MYO7B: variants seen among roughly 807,000 people sequenced by gnomAD.
MYO7B encodes unconventional myosin-VIIb.
Under a neutral mutation model 259.7 loss-of-function variants are expected in MYO7B, and 212 were observed. The ratio of observed to expected loss-of-function variants is 0.82; its 90% CI spans 0.73 to 0.91. The LOEUF (loss-of-function observed/expected upper bound fraction) is 0.91, where lower values mean the gene tolerates loss of function less well. MYO7B is among the 40% of genes least tolerant of loss of function. The pLI is 0.00. For synonymous variants in MYO7B, 1,197 were observed against 1,166.4 expected, an observed-to-expected ratio of 1.03 and a Z score of -0.54; for missense variants, 2,732 against 2,813.5, an observed-to-expected ratio of 0.97 and a Z score of 0.66.
At position 127,539,474 on chromosome 2, in the gene MYO7B, G is replaced by A. The variant is rs1692919424; in HGVS notation, c.-24+3643G>A. Among the ~76,000 whole-genome samples, 1 of 152,156 alleles carries A rather than the reference G, an allele frequency of 6.6e-6. No homozygotes were observed. Among genetic ancestry groups the A allele is most frequent in the Non-Finnish European group, 1.5e-5 (1 of 68,034 alleles). On this transcript the variant is annotated intron_variant, in intron 1 of 47. Coordinates refer to ENST00000409816, the MANE Select transcript of MYO7B (RefSeq NM_001393586.1). The surrounding 1 kb of genome is among the most constrained non-coding windows in gnomAD (Gnocchi z 4.0). Reference sequence around the variant, plus strand: ...GCTTTCCTGTTGCAATGTCATGAAGGGGATAAAAAGGGAGAAAACGACATT... The same window carrying A: ...GCTTTCCTGTTGCAATGTCATGAAGAGGATAAAAAGGGAGAAAACGACATT...
intron 6 of MYO7B, among the ~76,000 whole-genome samples, chr2:127,571,634 C>T (rs1678633728): frequency 6.6e-6 from 1 of 151,744 alleles, no homozygotes; most frequent in African/African-American, 2.4e-5. Flanking sequence ...GCATGCACCA[C>T]CACGCCCAGT....
rs1215892553 is a variant in MYO7B at position 127,609,496 on chromosome 2, A to G, written c.2815-10A>G. 40 of 1,606,458 alleles carry G rather than the reference A, an allele frequency of 2.5e-5. No individual in the cohort carries two copies. Among genetic ancestry groups the G allele is most frequent in the Non-Finnish European group, 3.1e-5 (37 of 1,176,390 alleles). ...CCCTGCTGACCCGTGTTCTCCCTCA[A>G]TGGCCGTAGGATCTGGAATCGAAGA... On this transcript the variant is annotated splice_polypyrimidine_tract_variant and intron_variant, in intron 22 of 47. Transcript: ENST00000409816. This position sits in a 1 kb window ranked among gnomAD's most constrained non-coding sequence, Gnocchi z 6.9.
In MYO7B at chr2:127,627,973, C is replaced by T. The variant is rs1175932084; in HGVS notation, c.4461-399C>T. The T allele has an allele frequency of 1.1e-5, 5 of 467,410 alleles. No individual in the cohort carries two copies. The highest frequency in any genetic ancestry group is 1.7e-5 in the Non-Finnish European group (4 of 234,726). 29.0% of individuals were successfully genotyped at this position (467,410 alleles called of 1,614,324 possible). A position where few individuals can be genotyped will look rare whatever the true frequency, so the allele number is the denominator to read the frequency against. Reference sequence around the variant, plus strand: ...CACTTTCCTGTATGCCACGAAGTACCGACAGCATCACCCATTCTGCAGATG... The same window carrying T: ...CACTTTCCTGTATGCCACGAAGTACTGACAGCATCACCCATTCTGCAGATG... On this transcript the variant is annotated intron_variant, in intron 33 of 47. Coordinates refer to ENST00000409816, the MANE Select transcript of MYO7B (RefSeq NM_001393586.1). This position sits in a 1 kb window ranked among gnomAD's most constrained non-coding sequence, Gnocchi z 5.6.
At position 127,636,508 on chromosome 2, in the gene MYO7B, C is replaced by T. The variant is rs372379017; in HGVS notation, c.6124-37C>T. On this transcript the variant is annotated intron_variant, in intron 45 of 47. Coordinates refer to ENST00000409816, the MANE Select transcript of MYO7B (RefSeq NM_001393586.1). This position sits in a 1 kb window ranked among gnomAD's most constrained non-coding sequence, Gnocchi z 4.5. ...TCCTGGGAGGTGCAGCCTGGCCTCC[C>T]GGGCTGGACTATGACCGCCGTGTCC... The T allele has an allele frequency of 2.8e-5, 45 of 1,583,704 alleles. No individual in the cohort carries two copies. Among genetic ancestry groups the T allele is most frequent in the Middle Eastern group, 1.7e-4 (1 of 6,048 alleles).
intron 8 of MYO7B, 92 bp from the exon 9 acceptor site, chr2:127,578,041 C>T: frequency 2.0e-6 from 3 of 1,493,116 alleles, no homozygotes; most frequent in Non-Finnish European, 2.7e-6. Flanking sequence ...CACCCATTGC[C>T]TATGAAGTGC....
intron 1 of MYO7B, among the ~76,000 whole-genome samples, chr2:127,554,949 ATT>A (rs113240086): frequency 1.1e-4 from 15 of 135,966 alleles, no homozygotes; most frequent in East Asian, 2.1e-4. Context: ...TTTCTAATTG[ATT>A]TTTTTTTTTT....
chr2:127,622,070 G>A lies in MYO7B; in HGVS notation c.3614G>A (p.Arg1205His), dbSNP rs1166699670. The change falls in exon 28 of 48, where the codon CGT becomes CAT. Residue 1205 changes from arginine (R) to histidine (H), a missense_variant. Coordinates refer to ENST00000409816, the MANE Select transcript of MYO7B (RefSeq NM_001393586.1). ...AGACGCACCTATGCCAATGGGGTGC[G>A]TGCGGAGCCCCCCACCTGGCTGGAG... ...RLRRTYANGV[R>H]AEPPTWLELQ... The A allele has an allele frequency of 9.7e-6, 15 of 1,550,736 alleles. No individual in the cohort carries two copies. Among genetic ancestry groups the A allele is most frequent in the Admixed American group, 3.9e-5 (2 of 50,958 alleles).
intron 27 of MYO7B, among the ~76,000 whole-genome samples, chr2:127,620,992 A>G (rs1680813170): frequency 6.6e-6 from 1 of 152,228 alleles, no homozygotes; most frequent in African/African-American, 2.4e-5. Flanking sequence ...ACTTCCGTTA[A>G]TATTTCCTTC....
chr2:127,543,768 C>T (rs1403034164), intron 1 of MYO7B, among the ~76,000 whole-genome samples: 2 of 149,312 alleles, frequency 1.3e-5, no homozygotes, highest in African/African-American at 2.5e-5. Context: ...TTTTTGAGAC[C>T]GAGTCTCGCT....
chr2:127,606,846 G>C (rs1378452397), intron 20 of MYO7B, among the ~76,000 whole-genome samples: 1 of 152,222 alleles, frequency 6.6e-6, no homozygotes, highest in Non-Finnish European at 1.5e-5. Context: ...GAGCAAGTCA[G>C]CTGAACTTGG....
In MYO7B at chr2:127,590,135, T is replaced by C. The variant is rs61743282; in HGVS notation, c.1898T>C (p.Phe633Ser). 1.4e-3 allele frequency: 2,226 copies of C among 1,607,722 alleles called. 1 individual carries two copies. Among genetic ancestry groups the C allele is most frequent in the Non-Finnish European group, 1.8e-3 (2,071 of 1,177,654 alleles). Residue 633 changes from phenylalanine (F) to serine (S), a missense_variant, in exon 16 of 48, where the codon TTC becomes TCC. Around this residue, in one of 3 missense-constraint regions of MYO7B, gnomAD observed 1,906 missense variants for 2,026.4 expected, o/e 0.94. Transcript: ENST00000409816. This position sits in a 1 kb window ranked among gnomAD's most constrained non-coding sequence, Gnocchi z 4.6. ...NKRPSTLGSQ[F>S]KQSLDQLMKI... is the part of the protein sequence containing the mutation. Reference sequence around the variant, plus strand: ...CGGCCCTCCACCTTAGGAAGCCAGTTCAAACAGTCTCTGGACCAGCTGATG... The same window carrying C: ...CGGCCCTCCACCTTAGGAAGCCAGTCCAAACAGTCTCTGGACCAGCTGATG...
Position 127,584,120 on chromosome 2 carries a change from A to G in MYO7B, c.1344-2A>G. 2 of 1,611,320 alleles carry G rather than the reference A, an allele frequency of 1.2e-6. No homozygotes were observed. The highest frequency in any genetic ancestry group is 8.5e-7 in the Non-Finnish European group (1 of 1,178,654). Reference sequence around the variant, plus strand: ...CCCTGGGCAGTGACCTTGCCTCCACAGCTTCGAGCAGCTCTGCATCAACTT... The same window carrying G: ...CCCTGGGCAGTGACCTTGCCTCCACGGCTTCGAGCAGCTCTGCATCAACTT... On this transcript the variant is annotated splice_acceptor_variant, in intron 12 of 47. Coordinates refer to ENST00000409816, the MANE Select transcript of MYO7B (RefSeq NM_001393586.1). LOFTEE classifies it high-confidence loss of function. This position sits in a 1 kb window ranked among gnomAD's most constrained non-coding sequence, Gnocchi z 5.8.
rs375353272 is a variant in MYO7B, at chr2:127,631,694, G to A, written c.5190G>A (p.Pro1730=). 3.9e-5 allele frequency: 63 copies of A among 1,613,028 alleles called. No individual in the cohort carries two copies. The African/African-American group carries it at 4.3e-4, about 11-fold the overall frequency. The part of the protein sequence containing the change: ...DQIFTLALQH[P]ALQDEVYCQI... ...TCTTCACACTGGCCCTGCAGCACCC[G>A]GCCCTCCAGGACGAGGTCTACTGCC... Residue 1730 remains proline, a synonymous_variant, in exon 38 of 48, where the codon CCG becomes CCA. Transcript: ENST00000409816.
intron 19 of MYO7B, among the ~76,000 whole-genome samples, chr2:127,599,453 G>A (rs118037038): frequency 6.6e-6 from 1 of 152,190 alleles, no homozygotes; most frequent in South Asian, 2.1e-4. Context: ...GATGTAGATC[G>A]TCCTGTCCTC....
chr2:127,564,079 A>C, intron 2 of MYO7B, 74 bp from the exon 3 acceptor site: 1 of 1,116,288 alleles, frequency 9.0e-7, no homozygotes, highest in Middle Eastern at 2.0e-4. Context: ...CATAGCCCCG[A>C]AGAGAAGTAA....
In MYO7B at chr2:127,576,693, C is replaced by CATGGT; in HGVS notation, c.834_835insATGGT (p.His279MetfsTer5). The CATGGT allele has an allele frequency of 6.2e-7, 1 of 1,605,034 alleles. No homozygotes were observed. The highest frequency in any genetic ancestry group is 1.1e-5 in the South Asian group (1 of 90,624). On this transcript the variant is annotated frameshift_variant, in exon 8 of 48. Transcript: ENST00000409816. LOFTEE classifies it high-confidence loss of function. The surrounding 1 kb of genome is among the most constrained non-coding windows in gnomAD (Gnocchi z 4.9). ...TGAGCCTGGGCACGCCCTCCGAGTA[C>CATGGT]CACTACCTGACCATGGTGAGCTGCC...
At position 127,626,969 on chromosome 2, in the gene MYO7B, C is replaced by G. The variant is rs1452414804; in HGVS notation, c.4216-6C>G. The G allele has an allele frequency of 6.2e-7, 1 of 1,607,862 alleles. No homozygotes were observed. Among genetic ancestry groups the G allele is most frequent in the Non-Finnish European group, 8.5e-7 (1 of 1,177,256 alleles). ...GACGGAGGTGACATCCAGGATCCCC[C>G]CTCAGGCCCCATACACTCAGAAGCA... On this transcript the variant is annotated splice_region_variant and splice_polypyrimidine_tract_variant and intron_variant, in intron 31 of 47. Coordinates refer to ENST00000409816, the MANE Select transcript of MYO7B (RefSeq NM_001393586.1).
In MYO7B at chr2:127,596,509, C is replaced by G. The variant is rs769217285; in HGVS notation, c.2292C>G (p.Asp764Glu). The G allele has an allele frequency of 7.4e-6, 12 of 1,613,738 alleles. No homozygotes were observed. The highest frequency in any genetic ancestry group is 1.0e-5 in the Non-Finnish European group (12 of 1,179,802). Residue 764 changes from aspartate to glutamate, a missense_variant, in exon 19 of 48, where the codon GAC becomes GAG. By Grantham distance (45) the Asp-to-Glu change is conservative (BLOSUM62 2). This residue lies in a region of MYO7B where 1,906 missense variants were observed against 2,026.4 expected (regional missense o/e 0.94). Transcript: ENST00000409816. Reference protein sequence around the residue: ...LLEVQRSQVLDRAALSIQKVL... With the variant: ...LLEVQRSQVLERAALSIQKVL... Reference sequence around the variant, plus strand: ...AGGTACAGAGAAGCCAGGTGCTAGACAGAGCGGCGCTCAGCATCCAGAAAG... The same window carrying G: ...AGGTACAGAGAAGCCAGGTGCTAGAGAGAGCGGCGCTCAGCATCCAGAAAG...
intron 6 of MYO7B, among the ~76,000 whole-genome samples, chr2:127,572,065 G>T (rs1381581626): frequency 6.6e-6 from 1 of 152,122 alleles, no homozygotes; most frequent in Non-Finnish European, 1.5e-5. Flanking sequence ...TGATGATCCA[G>T]TTTATGATTT....
Sources: allele counts gnomAD v4.1 joint callset (sites outside exome capture counted in the v4.1 genomes callset), GRCh38; gene constraint gnomAD v4.1.1; regional missense constraint gnomAD v4.1.1; non-coding constraint Gnocchi (gnomAD v3.1); transcripts MANE v1.5; gene names NCBI Gene and HGNC (gene_info 2026-07-23, HGNC 2026-07-21).